CAST: variants seen among roughly 807,000 people sequenced by gnomAD.
CAST encodes MIR583 host.
In CAST, 76 loss-of-function variants were observed where a neutral mutation model predicts 119.6. The observed-to-expected ratio is 0.64, with a 90% CI of 0.53 to 0.77. The LOEUF is 0.77. Ranked by LOEUF, CAST falls within the 30% of genes least tolerant of loss-of-function variation. CAST has a pLI of 0.00. For missense variants in CAST, 953 were observed against 946.5 expected (o/e 1.01, Z -0.09); for synonymous variants, 319 against 331.6 (o/e 0.96, Z 0.41).
chr5:96,243,537 A>G, the CAST span, among the ~76,000 whole-genome samples: 3 of 152,154 alleles, frequency 2.0e-5, no homozygotes, highest in African/African-American at 7.2e-5. Flanking sequence ...ATTTACTTTA[A>G]GTACTGCTAT....
intron 1 of CAST, chr5:96,546,564 A>T (rs200432886): frequency 7.6e-6 from 1 of 132,340 alleles, no homozygotes; most frequent in Non-Finnish European, 1.7e-5. Flanking sequence ...AAAAAAAAAA[A>T]AGTGCTCCAA....
intron 1 of CAST, among the ~76,000 whole-genome samples, chr5:96,563,877 G>A (rs529300801): frequency 9.8e-5 from 15 of 152,286 alleles, no homozygotes; most frequent in Non-Finnish European, 1.6e-4. Flanking sequence ...ATACAAAGAC[G>A]CAAGTGTTTC....
chr5:96,245,635 A>C, the CAST span, among the ~76,000 whole-genome samples: 9 of 152,174 alleles, frequency 5.9e-5, no homozygotes, highest in African/African-American at 1.7e-4. Flanking sequence ...AAAAAAAAAA[A>C]AACAAATAGT....
chr5:96,502,800 C>A, the CAST span, among the ~76,000 whole-genome samples: 5 of 152,096 alleles, frequency 3.3e-5, no homozygotes, highest in African/African-American at 1.2e-4. Flanking sequence ...GAAATTTTTG[C>A]CAGATTAATC....
intron 3 of CAST, among the ~76,000 whole-genome samples, chr5:96,716,805 G>A (rs1164818260): frequency 2.0e-5 from 3 of 152,030 alleles, no homozygotes; most frequent in African/African-American, 7.2e-5. Flanking sequence ...TATTTGTTTT[G>A]CGGTTTGCCT....
At chr5:96,608,393 G>A (rs1313639729) in intron 1 of CAST, among the ~76,000 whole-genome samples, 1 of 152,098 alleles carries the variant, frequency 6.6e-6, no homozygotes, top group Non-Finnish European at 1.5e-5. Flanking sequence ...GAGGTTAACA[G>A]TAATACCACC....
At chr5:96,130,437 A>C in the CAST span, among the ~76,000 whole-genome samples, 1 of 126,842 alleles carries the variant, frequency 7.9e-6, no homozygotes, top group African/African-American at 3.0e-5. Flanking sequence ...AGGAACAGAA[A>C]AAGGACATTA....
At chr5:96,619,991 A>G (rs1031697516) in intron 1 of CAST, among the ~76,000 whole-genome samples, 4 of 152,322 alleles carry the variant, frequency 2.6e-5, no homozygotes, top group East Asian at 1.9e-4. Context: ...GACAACACCC[A>G]TATGTTTCAG....
chr5:96,416,039 C>A, the CAST span: 1 of 1,604,184 alleles, frequency 6.2e-7, no homozygotes, highest in East Asian at 2.2e-5. Context: ...TTACCTCCAA[C>A]TTTGGAATTG....
Position 96,757,628 on chromosome 5 carries a change from T to C in CAST, c.1807T>C (p.Ser603Pro), listed in dbSNP as rs745933901. 5.0e-6 allele frequency: 8 copies of C among 1,613,394 alleles called. No homozygotes were observed. The East Asian group carries it at 1.6e-4, about 31-fold the overall frequency. Residue 603 changes from serine to proline, a missense_variant, in exon 24 of 32, where the codon TCT (serine) becomes CCT (proline). Ser to Pro is a moderately conservative substitution (Grantham distance 74). Coordinates refer to ENST00000675179, the MANE Select transcript of CAST (RefSeq NM_001750.7). ...FLLDALSEDF[S>P]GPQNASSLKF... Reference sequence around the variant, plus strand: ...TCTGGATGCTTTGTCTGAGGACTTCTCTGGTCCACAAAATGCTTCATCTCT... The same window carrying C: ...TCTGGATGCTTTGTCTGAGGACTTCCCTGGTCCACAAAATGCTTCATCTCT...
the CAST span, among the ~76,000 whole-genome samples, chr5:96,477,991 C>T: frequency 2.6e-5 from 4 of 152,072 alleles, no homozygotes; most frequent in African/African-American, 9.7e-5. Context: ...ATTTTCATGC[C>T]CCTGATTCAC....
the CAST span, among the ~76,000 whole-genome samples, chr5:96,495,122 C>CAAAA: frequency 4.7e-4 from 24 of 50,786 alleles, no homozygotes; most frequent in African/African-American, 9.6e-4. Context: ...GAGACTGTCT[C>CAAAA]AAAAAAAAAA....
the CAST span, among the ~76,000 whole-genome samples, chr5:96,403,838 G>A: frequency 1.3e-5 from 2 of 152,088 alleles, no homozygotes; most frequent in African/African-American, 4.8e-5. Context: ...CTTTTTTGTT[G>A]TGATTTTTTT....
chr5:96,453,625 T>C, the CAST span, among the ~76,000 whole-genome samples: 29 of 152,352 alleles, frequency 1.9e-4, no homozygotes, highest in Non-Finnish European at 3.1e-4. Flanking sequence ...TGACTGTGAC[T>C]GCTGTGCTCC....
intron 11 of CAST, among the ~76,000 whole-genome samples, chr5:96,738,475 G>A (rs1454964721): frequency 6.6e-6 from 1 of 152,146 alleles, no homozygotes; most frequent in Non-Finnish European, 1.5e-5. Flanking sequence ...TTGTTGTTGT[G>A]CTAAGATTGA....
chr5:96,525,834 G>A (rs918022614), upstream of CAST, among the ~76,000 whole-genome samples: 1 of 152,226 alleles, frequency 6.6e-6, no homozygotes, highest in Non-Finnish European at 1.5e-5. Flanking sequence ...TGCTGAGGTT[G>A]TCTTCCAAAG....
chr5:96,423,486 G>A, the CAST span: 2 of 1,611,392 alleles, frequency 1.2e-6, no homozygotes, highest in Non-Finnish European at 1.7e-6. Context: ...ACGAAGCATT[G>A]ATAAAATTAT....
the CAST span, among the ~76,000 whole-genome samples, chr5:96,009,406 A>G: frequency 6.6e-6 from 1 of 152,194 alleles, no homozygotes; most frequent in Non-Finnish European, 1.5e-5. Flanking sequence ...TGACTGAACT[A>G]ATTTACATTC....
chr5:96,293,342 G>A, the CAST span, among the ~76,000 whole-genome samples: 19 of 152,174 alleles, frequency 1.2e-4, no homozygotes, highest in Non-Finnish European at 1.8e-4. Flanking sequence ...GCAGTGGCAC[G>A]ATCTCAGCTC....
Sources: allele counts gnomAD v4.1 joint callset (sites outside exome capture counted in the v4.1 genomes callset), GRCh38; gene constraint gnomAD v4.1.1; transcripts MANE v1.5; gene names NCBI Gene and HGNC (gene_info 2026-07-23, HGNC 2026-07-21).